The following TNIP1 variants were observed in gnomAD, a reference collection of about 807,000 sequenced individuals.
TNIP1 encodes the protein TNFAIP3-interacting protein 1.
Under a neutral mutation model 86.6 loss-of-function variants are expected in TNIP1, and 22 were observed. The observed-to-expected ratio is 0.25, with a 90% CI of 0.18 to 0.36. The LOEUF (loss-of-function observed/expected upper bound fraction) is 0.36. Ranked by LOEUF, TNIP1 falls within the 10% of genes least tolerant of loss-of-function variation. The pLI, the probability that TNIP1 is intolerant of heterozygous loss-of-function variation, is 1.00. For synonymous variants in TNIP1, 294 were observed against 313.0 expected (o/e 0.94, Z 0.64); for missense variants, 709 against 820.6 (o/e 0.86, Z 1.66).
Position 151,034,567 on chromosome 5 carries a change from C to T in TNIP1, c.1587+435G>A, listed in dbSNP as rs371954950. ...GGCACGGAAGGCTGATACATGGAAA[C>T]GGAAGGCTGAGCACATGGGCATGGA... is the stretch of plus-strand genomic sequence containing the variant. On this transcript the variant is annotated intron_variant, in intron 15 of 17. Transcript: ENST00000521591. 3.6e-4 allele frequency: 96 copies of T among 263,126 alleles called. 1 individual carries two copies. Among genetic ancestry groups the T allele is most frequent in the African/African-American group, 2.4e-3 (89 of 36,550 alleles). 16.3% of individuals were successfully genotyped at this position (263,126 alleles called of 1,614,324 possible). A position where few individuals can be genotyped will look rare whatever the true frequency, so the allele number is the denominator to read the frequency against.
At chr5:151,060,436 A>T (rs1322611166) in intron 4 of TNIP1, 41 bp from the exon 5 acceptor site, 2 of 1,594,894 alleles carry the variant, frequency 1.3e-6, no homozygotes, top group African/African-American at 1.3e-5. Context: ...AGAGAAAAAC[A>T]GCTCACCCCT....
At chr5:151,031,751 G>C (rs540492711) in intron 17 of TNIP1, among the ~76,000 whole-genome samples, 3 of 152,166 alleles carry the variant, frequency 2.0e-5, no homozygotes, top group African/African-American at 7.2e-5. Flanking sequence ...CCTCAAATCA[G>C]CTCCCCTACT....
At chr5:151,054,616 C>T (rs543898588) in intron 6 of TNIP1, among the ~76,000 whole-genome samples, 1 of 152,260 alleles carries the variant, frequency 6.6e-6, no homozygotes, top group East Asian at 1.9e-4. Flanking sequence ...GAGGTCAAGG[C>T]TGTAGTGAGC....
intron 11 of TNIP1, among the ~76,000 whole-genome samples, chr5:151,041,670 T>C (rs1393739452): frequency 1.3e-5 from 2 of 152,210 alleles, no homozygotes; most frequent in East Asian, 3.8e-4. Context: ...CCCGGCCTTC[T>C]CTGCAACACT....
chr5:151,039,324 G>C, intron 11 of TNIP1, 99 bp from the exon 12 acceptor site: 6 of 1,382,992 alleles, frequency 4.3e-6, no homozygotes, highest in Non-Finnish European at 4.8e-6. Context: ...TTCTCCCCTG[G>C]CCATCACTTC....
At position 151,036,889 on chromosome 5, in the gene TNIP1, C is replaced by T. The variant is rs574046689; in HGVS notation, c.1296G>A (p.Pro432=). The T allele has an allele frequency of 6.8e-5, 110 of 1,611,774 alleles. No homozygotes were observed. The highest frequency in any genetic ancestry group is 3.3e-4 in the Admixed American group (20 of 59,788). The stretch of plus-strand genomic sequence containing the variant: ...CAAATGCTGTTGGTGGAGATGATGG[C>T]GGGGTTTGGATGCTCAGTGCTTCCT... The part of the protein sequence containing the change: ...ALEEALSIQT[P]PSSPPTAFGS... Residue 432 remains proline (P), a synonymous_variant, in exon 13 of 18, where the codon CCG becomes CCA. Coordinates refer to ENST00000521591, the MANE Select transcript of TNIP1 (RefSeq NM_006058.5).
intron 1 of TNIP1, among the ~76,000 whole-genome samples, chr5:151,067,156 AC>A (rs777676263): frequency 6.6e-6 from 1 of 152,254 alleles, no homozygotes; most frequent in Non-Finnish European, 1.5e-5. Context: ...CTTGTTTTTA[AC>A]CTGAAAGGTC....
chr5:151,079,056 T>C (rs796752383), intron 1 of TNIP1, among the ~76,000 whole-genome samples: 5 of 152,296 alleles, frequency 3.3e-5, no homozygotes, highest in African/African-American at 1.2e-4. Context: ...TGCCATGCCA[T>C]ACCCATGGAA....
chr5:151,041,168 T>A (rs1296002621), intron 11 of TNIP1, among the ~76,000 whole-genome samples: 1 of 151,956 alleles, frequency 6.6e-6, no homozygotes, highest in Non-Finnish European at 1.5e-5. Context: ...CCTCCCGGGT[T>A]CAAGCGATTC....
At chr5:151,080,023 C>T (rs1421391942) in intron 1 of TNIP1, 2 of 152,242 alleles carry the variant, frequency 1.3e-5, no homozygotes, top group African/African-American at 2.4e-5. Context: ...GATTCTTCTG[C>T]ATCATCCACA....
intron 6 of TNIP1, among the ~76,000 whole-genome samples, chr5:151,054,355 G>A (rs1015820377): frequency 1.3e-5 from 2 of 152,168 alleles, no homozygotes; most frequent in African/African-American, 4.8e-5. Context: ...TCAACTGGAG[G>A]TGGCTGGACA....
intron 1 of TNIP1, among the ~76,000 whole-genome samples, chr5:151,068,539 G>A (rs1191312296): frequency 2.0e-5 from 3 of 152,192 alleles, no homozygotes; most frequent in Non-Finnish European, 4.4e-5. Context: ...TTTCAAAGGG[G>A]AAAAGGAAGC....
rs188789078 is a variant in TNIP1, at chr5:151,065,388, C to G, written c.-36-257G>C. 2.6e-5 allele frequency among the ~76,000 whole-genome samples: 4 copies of G among 152,098 alleles called. No individual in the cohort carries two copies. The East Asian group carries it at 7.7e-4, about 29-fold the overall frequency. On this transcript the variant is annotated intron_variant, in intron 1 of 17. Transcript: ENST00000521591. Reference sequence around the variant, plus strand: ...TGTTTGGAACAGGAGTCCAAATAAACAGTAGGGTGCAATGTGGGATACAAG... The same window carrying G: ...TGTTTGGAACAGGAGTCCAAATAAAGAGTAGGGTGCAATGTGGGATACAAG...
intron 11 of TNIP1, among the ~76,000 whole-genome samples, 196 bp downstream of exon 11, chr5:151,042,341 TGTA>T (rs1450147767): frequency 6.6e-6 from 1 of 152,220 alleles, no homozygotes; most frequent in Non-Finnish European, 1.5e-5. Flanking sequence ...TGTGAAAAGC[TGTA>T]GTTAATGTAA....
chr5:151,062,420 A>G (rs17111703), intron 3 of TNIP1, among the ~76,000 whole-genome samples: 5,454 of 152,272 alleles, frequency 0.036, 303 homozygotes, highest in African/African-American at 0.12. Flanking sequence ...CAGAGAGACC[A>G]TGCTCCCTGG....
At chr5:151,032,657 C>CT (rs1445788604) in intron 16 of TNIP1, 2 of 447,556 alleles carry the variant, frequency 4.5e-6, no homozygotes, top group Non-Finnish European at 8.1e-6. Flanking sequence ...ACTATATACT[C>CT]TGGTGTTTAA....
At chr5:151,057,588 G>A (rs1294753326) in intron 5 of TNIP1, among the ~76,000 whole-genome samples, 1 of 152,096 alleles carries the variant, frequency 6.6e-6, no homozygotes, top group Non-Finnish European at 1.5e-5. Flanking sequence ...ATGGTGGCAC[G>A]TGCCTGTAAT....
upstream of TNIP1, chr5:151,081,190 G>A (rs1018292855): frequency 2.0e-5 from 3 of 152,162 alleles, no homozygotes; most frequent in Admixed American, 6.5e-5. Flanking sequence ...CCGGGGGCCC[G>A]CGGTGTCTCT....
At chr5:151,050,759 C>T (rs1051536197) in intron 7 of TNIP1, among the ~76,000 whole-genome samples, 2 of 152,038 alleles carry the variant, frequency 1.3e-5, no homozygotes, top group Non-Finnish European at 2.9e-5. Context: ...TCAGCCACCC[C>T]CAACCTCCCC....
Sources: gnomAD v4.1 joint callset for allele counts (sites outside exome capture counted in the v4.1 genomes callset) on GRCh38, gnomAD v4.1.1 for gene constraint, MANE v1.5 for transcripts, NCBI Gene and HGNC (gene_info 2026-07-23, HGNC 2026-07-21) for gene names.